The following ZDHHC19 variants were observed in gnomAD, a reference collection of about 807,000 sequenced individuals.
ZDHHC19 encodes the protein zDHHC palmitoyltransferase 19.
A neutral mutation model predicts 33.9 loss-of-function variants in ZDHHC19; 30 were observed. The observed-to-expected ratio is 0.88, with a 90% CI of 0.66 to 1.20. The LOEUF is 1.20. ZDHHC19 is among the 50% of genes most tolerant of loss of function. The pLI, the probability that ZDHHC19 is intolerant of heterozygous loss-of-function variation, is 0.00. For missense variants in ZDHHC19, 364 were observed against 401.1 expected (o/e 0.91, Z 0.79); for synonymous variants, 178 against 167.6 (o/e 1.06, Z -0.48).
intron 5 of ZDHHC19, among the ~76,000 whole-genome samples, chr3:196,204,688 C>CA (rs1417449272): frequency 6.6e-6 from 1 of 152,058 alleles, no homozygotes; most frequent in Non-Finnish European, 1.5e-5. Context: ...CCGGCTTAAA[C>CA]AAAAAACAAC....
rs138914754 is a variant in ZDHHC19, at chr3:196,205,512, T to A, written c.687+1886A>T. Among the ~76,000 whole-genome samples the A allele has an allele frequency of 6.0e-4, 92 of 152,230 alleles. 1 individual carries two copies. In the East Asian group the frequency reaches 9.1e-3, roughly 15 times the overall value. ...AGAAATTGACTACAAAAGACCATGATCTCTGATTTTTGGGTGGGATGGACC... is the reference window on the plus strand; with the variant it reads ...AGAAATTGACTACAAAAGACCATGAACTCTGATTTTTGGGTGGGATGGACC... On this transcript the variant is annotated intron_variant, in intron 5 of 7. Coordinates refer to ENST00000296326, the MANE Select transcript of ZDHHC19 (RefSeq NM_001039617.2).
At chr3:196,204,291 CA>C (rs1181146392) in intron 5 of ZDHHC19, among the ~76,000 whole-genome samples, 2 of 151,772 alleles carry the variant, frequency 1.3e-5, no homozygotes, top group African/African-American at 2.4e-5. Flanking sequence ...TACAATAGCA[CA>C]AAAAAAGAAA....
rs540881585 is a variant in ZDHHC19 at position 196,197,973 on chromosome 3, A to C, written c.*20-248T>G. Among the ~76,000 whole-genome samples the C allele has an allele frequency of 6.6e-6, 1 of 152,206 alleles. No homozygotes were observed. Among genetic ancestry groups the C allele is most frequent in the South Asian group, 2.1e-4 (1 of 4,826 alleles). ...CCCGCCACCCGCACCCCCTGGCCAA[A>C]TTATAAACCACGAGACTCATCTCAG... On this transcript the variant is annotated intron_variant, in intron 7 of 7. Coordinates refer to ENST00000296326, the MANE Select transcript of ZDHHC19 (RefSeq NM_001039617.2). The surrounding 1 kb of genome is among the most constrained non-coding windows in gnomAD (Gnocchi z 4.4).
At chr3:196,199,843 G>T (rs1436993075) in intron 5 of ZDHHC19, among the ~76,000 whole-genome samples, 1 of 151,810 alleles carries the variant, frequency 6.6e-6, no homozygotes, top group Non-Finnish European at 1.5e-5. Flanking sequence ...TACTCGGGAG[G>T]CTGAGACAGA....
intron 2 of ZDHHC19, among the ~76,000 whole-genome samples, chr3:196,210,241 GAAAGAAAGAA>G (rs1285300823): frequency 2.4e-4 from 31 of 126,616 alleles, no homozygotes; most frequent in African/African-American, 9.4e-4. Flanking sequence ...AAGAAGGAAA[GAAAGAAAGAA>G]AAAGAAAGAA....
intron 5 of ZDHHC19, among the ~76,000 whole-genome samples, chr3:196,199,936 C>T (rs1350486703): frequency 6.6e-6 from 1 of 151,836 alleles, no homozygotes; most frequent in African/African-American, 2.4e-5. Context: ...CAGAGCGACA[C>T]TCTGGCTCAG....
rs1362166067 is a variant in ZDHHC19 at position 196,210,434 on chromosome 3, GAGAA to G, written c.268+178_268+181del. ...GAGAGGAAGGAAGGAAAGAAAGAAA[GAGAA>G]AGAAAGAAAGAAAAGAGAAGAGAAG... On this transcript the variant is annotated intron_variant, in intron 2 of 7. Transcript: ENST00000296326. Among the ~76,000 whole-genome samples the G allele has an allele frequency of 3.7e-4, 34 of 92,444 alleles. 1 individual carries two copies. Among genetic ancestry groups the G allele is most frequent in the Admixed American group, 3.5e-3 (33 of 9,458 alleles). 60.6% of individuals were successfully genotyped at this position (92,444 alleles called of 152,430 possible).
rs1722483273 is a variant in ZDHHC19, at chr3:196,203,027, A to G, written c.688-4153T>C. Among the ~76,000 whole-genome samples the G allele has an allele frequency of 6.6e-6, 1 of 152,162 alleles. No individual in the cohort carries two copies. The highest frequency in any genetic ancestry group is 2.1e-4 in the South Asian group (1 of 4,830). On this transcript the variant is annotated intron_variant, in intron 5 of 7. Coordinates refer to ENST00000296326, the MANE Select transcript of ZDHHC19 (RefSeq NM_001039617.2). This position sits in a 1 kb window ranked among gnomAD's most constrained non-coding sequence, Gnocchi z 4.3. ...GTAATCCCAGCACTTTGGGAGGCCG[A>G]GGCGAGTGGCTCACCTGAGGTCAGG...
rs202031512 is a variant in ZDHHC19 at position 196,209,448 on chromosome 3, T to G, written c.336A>C (p.Gln112His). Residue 112 changes from glutamine to histidine, a missense_variant, in exon 3 of 8, where the codon CAA becomes CAC. Gln to His is a conservative substitution (Grantham distance 24). Transcript: ENST00000296326. ...GGTGGAAGCAGCACTTTGGACACCATTGCAGGCGGAAGGCCCCGTGGTTCA... is the reference window on the plus strand; with the variant it reads ...GGTGGAAGCAGCACTTTGGACACCAGTGCAGGCGGAAGGCCCCGTGGTTCA... ...VWVNHGAFRL[Q>H]WCPKCCFHRP... is the part of the protein sequence containing the mutation. 544 of 1,611,810 alleles carry G rather than the reference T, an allele frequency of 3.4e-4. No homozygotes were observed. Among genetic ancestry groups the G allele is most frequent in the Non-Finnish European group, 4.4e-4 (520 of 1,179,292 alleles).
Position 196,198,444 on chromosome 3 carries a change from C to A in ZDHHC19, c.781G>T (p.Ala261Ser). ...ICAPLGPKYM[A>S]EAVQLQRVVG... Reference sequence around the variant, plus strand: ...ACTCTCTGCAGCTGGACAGCTTCAGCCATGTACCTGGGGAGCAGCAGGCCA... The same window carrying A: ...ACTCTCTGCAGCTGGACAGCTTCAGACATGTACCTGGGGAGCAGCAGGCCA... Residue 261 changes from alanine to serine, a missense_variant, in exon 7 of 8, where the codon GCT becomes TCT. Ala to Ser is a moderately conservative substitution (Grantham distance 99). Coordinates refer to ENST00000296326, the MANE Select transcript of ZDHHC19 (RefSeq NM_001039617.2). 1.3e-6 allele frequency: 2 copies of A among 1,575,512 alleles called. No individual in the cohort carries two copies. The highest frequency in any genetic ancestry group is 1.2e-5 in the South Asian group (1 of 84,818).
intron 6 of ZDHHC19, 81 bp downstream of exon 6, chr3:196,198,708 G>A: frequency 6.2e-7 from 1 of 1,605,748 alleles, no homozygotes; most frequent in Non-Finnish European, 8.5e-7. Flanking sequence ...AGGGCCTGGG[G>A]CTGTGGTAAG....
At chr3:196,209,316 G>A in intron 3 of ZDHHC19, 60 bp downstream of exon 3, 2 of 1,533,516 alleles carry the variant, frequency 1.3e-6, no homozygotes, top group Admixed American at 2.0e-5. Flanking sequence ...GTATGAGGGA[G>A]GCTCCTGGTC....
At chr3:196,210,783 C>A (rs758512650) in intron 1 of ZDHHC19, 46 bp from the exon 2 acceptor site, 1 of 1,599,138 alleles carries the variant, frequency 6.3e-7, no homozygotes, top group Non-Finnish European at 8.5e-7. Context: ...CAGCCCAAAG[C>A]CCCCGGCCCA....
At position 196,210,604 on chromosome 3, in the gene ZDHHC19, C is replaced by A; in HGVS notation, c.268+12G>T. 6.2e-7 allele frequency: 1 copy of A among 1,613,838 alleles called. No homozygotes were observed. The highest frequency in any genetic ancestry group is 1.3e-5 in the African/African-American group (1 of 75,028). On this transcript the variant is annotated intron_variant, in intron 2 of 7. Coordinates refer to ENST00000296326, the MANE Select transcript of ZDHHC19 (RefSeq NM_001039617.2). ...AGTGACACCTCCTTTTCCCAGGGGG[C>A]TGATGCCTCACCTTGATGTAAGATG...
In ZDHHC19 at chr3:196,209,490, C is replaced by A. The variant is rs769181133; in HGVS notation, c.294G>T (p.Thr98=). The change falls in exon 3 of 8, where the codon ACG becomes ACT. Residue 98 remains threonine (T), a synonymous_variant. Coordinates refer to ENST00000296326, the MANE Select transcript of ZDHHC19 (RefSeq NM_001039617.2). ...CGTGGTTCACCCACACCACGTGCAC[C>A]GTCAAGGGGCCCTGCTCAGCGGAGC... ...HQGSAEQGPL[T]VHVVWVNHGA... 13 of 1,612,840 alleles carry A rather than the reference C, an allele frequency of 8.1e-6. No individual in the cohort carries two copies. Among genetic ancestry groups the A allele is most frequent in the Non-Finnish European group, 8.5e-7 (1 of 1,179,744 alleles).
chr3:196,200,549 T>G (rs1443661342), intron 5 of ZDHHC19, among the ~76,000 whole-genome samples: 4 of 149,428 alleles, frequency 2.7e-5, no homozygotes, highest in Non-Finnish European at 5.9e-5. Context: ...AGAGACGGGG[T>G]TTCACCGTGT....
At chr3:196,208,837 T>C in intron 3 of ZDHHC19, 2 of 461,682 alleles carry the variant, frequency 4.3e-6, no homozygotes, top group Non-Finnish European at 7.8e-6. Context: ...CTACTGTAAC[T>C]CTGGGCAGAA....
intron 5 of ZDHHC19, among the ~76,000 whole-genome samples, chr3:196,200,327 G>GATATATATATATATATATATGGATAT (rs374551956): frequency 8.6e-6 from 1 of 116,798 alleles, no homozygotes; most frequent in Non-Finnish European, 1.7e-5. Context: ...AAAATTTAGG[G>GATATATATATATATATATATGGATAT]ATATATATAT....
At chr3:196,208,260 T>G in intron 4 of ZDHHC19, 128 bp downstream of exon 4, 1 of 183,398 alleles carries the variant, frequency 5.5e-6, no homozygotes, top group Non-Finnish European at 8.2e-6. Context: ...CCCGCCCACC[T>G]CACCTCGTCC....
Sources: allele counts gnomAD v4.1 joint callset (sites outside exome capture counted in the v4.1 genomes callset), GRCh38; gene constraint gnomAD v4.1.1; non-coding constraint Gnocchi (gnomAD v3.1); transcripts MANE v1.5; gene names NCBI Gene and HGNC (gene_info 2026-07-23, HGNC 2026-07-21).